The following SNX1 variants were observed in gnomAD, a reference collection of about 807,000 sequenced individuals.
SNX1 encodes sorting nexin-1.
SNX1 carries 36 observed loss-of-function variants against 71.8 expected under a neutral mutation model. The observed-to-expected ratio is 0.50, with a 90% CI of 0.38 to 0.66. The LOEUF (loss-of-function observed/expected upper bound fraction) is 0.66, where lower values mean the gene tolerates loss of function less well. SNX1 is among the 30% of genes least tolerant of loss of function. The probability of loss-of-function intolerance (pLI) is 0.00; values close to 1 mark genes in which losing one functional copy is unlikely to be tolerated. For synonymous variants in SNX1, 254 were observed against 240.7 expected, an observed-to-expected ratio of 1.06 and a Z score of -0.51; for missense variants, 612 against 646.7, an observed-to-expected ratio of 0.95 and a Z score of 0.58.
At position 64,136,854 on chromosome 15, in the gene SNX1, C is replaced by T. The variant is rs1486863893; in HGVS notation, c.1447-7C>T. 6.2e-7 allele frequency: 1 copy of T among 1,611,188 alleles called. No homozygotes were observed. The highest frequency in any genetic ancestry group is 1.7e-5 in the Admixed American group (1 of 59,924). ...CTGGATGGTCAGTGTAGAATCTTGT[C>T]TCCTAGAAAGAGAAATCCAAGGACT... On this transcript the variant is annotated splice_polypyrimidine_tract_variant and splice_region_variant and intron_variant, in intron 13 of 14. Transcript: ENST00000559844.
At chr15:64,135,023 A>G (rs1596008000) in intron 12 of SNX1, 3 of 566,494 alleles carry the variant, frequency 5.3e-6, no homozygotes, top group African/African-American at 3.8e-5. Context: ...TTGTCAAATC[A>G]GAATCTCTGG....
At chr15:64,137,267 T>G (rs1057151082) in intron 14 of SNX1, among the ~76,000 whole-genome samples, 1 of 152,220 alleles carries the variant, frequency 6.6e-6, no homozygotes, top group Non-Finnish European at 1.5e-5. Context: ...TGTGAAACAG[T>G]GGCCCCACTG....
Position 64,137,675 on chromosome 15 carries a change from C to T in SNX1, c.*57C>T. ...ACGCTGCCTTTTTATACACTGTCCTCCTCCACCTTGATGGACCCCTAGTGA... is the reference window on the plus strand; with the variant it reads ...ACGCTGCCTTTTTATACACTGTCCTTCTCCACCTTGATGGACCCCTAGTGA... On this transcript the variant is annotated 3_prime_UTR_variant, in exon 15 of 15. Transcript: ENST00000559844. The T allele has an allele frequency of 6.2e-7, 1 of 1,612,256 alleles. No individual in the cohort carries two copies. Among genetic ancestry groups the T allele is most frequent in the South Asian group, 1.1e-5 (1 of 90,764 alleles).
intron 10 of SNX1, among the ~76,000 whole-genome samples, chr15:64,130,882 C>A (rs879312884): frequency 2.0e-5 from 3 of 152,238 alleles, no homozygotes; most frequent in Non-Finnish European, 4.4e-5. Flanking sequence ...AAATCTGACC[C>A]TGGTTCCTAT....
Position 64,143,547 on chromosome 15 carries a change from C to G in SNX1, c.*5929C>G, listed in dbSNP as rs2140170063. The G allele has an allele frequency of 6.6e-6, 1 of 152,352 alleles. No individual in the cohort carries two copies. The highest frequency in any genetic ancestry group is 1.9e-4 in the East Asian group (1 of 5,192). 9.4% of individuals were successfully genotyped at this position (152,352 alleles called of 1,614,324 possible). On this transcript the variant is annotated 3_prime_UTR_variant, in exon 15 of 15. Transcript: ENST00000559844. ...ACCCAGCTCACCTTTCCCTCTTTAT[C>G]TCCCAGTCCTTCCCAACAGCGCCGA...
chr15:64,121,271 TCA>T (rs2081193875), intron 4 of SNX1, among the ~76,000 whole-genome samples: 1 of 152,178 alleles, frequency 6.6e-6, no homozygotes, highest in African/African-American at 2.4e-5. Context: ...CAGAAATTTC[TCA>T]CAGTTTTGGA....
intron 3 of SNX1, 71 bp from the exon 4 acceptor site, chr15:64,118,717 G>GTTAT: frequency 8.7e-7 from 1 of 1,151,222 alleles, no homozygotes; most frequent in South Asian, 1.3e-5. Context: ...TTGGTATAAG[G>GTTAT]TTATTACAGG....
rs769884308 is a variant in SNX1 at position 64,127,167 on chromosome 15, A to G, written c.653-7A>G. The stretch of plus-strand genomic sequence containing the variant: ...ATGGTTATTTTGCTTTTTAAATTCC[A>G]TTCTAGGGATGACAAAAGTGAAAGT... On this transcript the variant is annotated splice_polypyrimidine_tract_variant and splice_region_variant and intron_variant, in intron 6 of 14. Transcript: ENST00000559844. 1.0e-5 allele frequency: 16 copies of G among 1,605,892 alleles called. No individual in the cohort carries two copies. Among genetic ancestry groups the G allele is most frequent in the Non-Finnish European group, 1.3e-5 (15 of 1,174,270 alleles).
chr15:64,114,467 A>G (rs575438657), intron 2 of SNX1, among the ~76,000 whole-genome samples: 1 of 152,358 alleles, frequency 6.6e-6, no homozygotes, highest in African/African-American at 2.4e-5. Flanking sequence ...TGGCTTTGGG[A>G]AAAAAGTAAG....
chr15:64,140,979 G>GATAC lies in SNX1; in HGVS notation c.*3362_*3363insTACA, dbSNP rs10678400. ...CTAGGCTCTCACCATACAGTGCAAA[G>GATAC]AGATGATAGATAGATAGATAGATAG... On this transcript the variant is annotated 3_prime_UTR_variant, in exon 15 of 15. Coordinates refer to ENST00000559844, the MANE Select transcript of SNX1 (RefSeq NM_003099.5). 1.5e-5 allele frequency: 2 copies of GATAC among 131,184 alleles called. No individual in the cohort carries two copies. The highest frequency in any genetic ancestry group is 3.1e-4 in the South Asian group (1 of 3,224). The allele number at this position is 131,184 out of a possible 1,614,324, so 8.1% of individuals were successfully genotyped here. A position where few individuals can be genotyped will look rare whatever the true frequency, so the allele number is the denominator to read the frequency against.
At position 64,127,740 on chromosome 15, in the gene SNX1, G is replaced by C. The variant is rs750049013; in HGVS notation, c.741G>C (p.Gln247His). ...ACTGCTTACCTTTTAGGTACCTTCAGAGGATTGTAAATCATCCTACCATGT... is the reference window on the plus strand; with the variant it reads ...ACTGCTTACCTTTTAGGTACCTTCACAGGATTGTAAATCATCCTACCATGT... ...KRRAALERYL[Q>H]RIVNHPTMLQ... is the part of the protein sequence containing the mutation. The change falls in exon 8 of 15, where the codon CAG becomes CAC. Residue 247 changes from glutamine (Q) to histidine (H), a missense_variant. By Grantham distance (24) the Gln-to-His change is conservative. Coordinates refer to ENST00000559844, the MANE Select transcript of SNX1 (RefSeq NM_003099.5). 5 of 1,613,596 alleles carry C rather than the reference G, an allele frequency of 3.1e-6. No homozygotes were observed. The Admixed American group carries it at 5.0e-5, about 16-fold the overall frequency.
Position 64,140,679 on chromosome 15 carries a change from G to A in SNX1, c.*3061G>A, listed in dbSNP as rs1230342505. On this transcript the variant is annotated 3_prime_UTR_variant, in exon 15 of 15. Transcript: ENST00000559844. ...GCTCACTGCAACCTCCACCTACCAGGTTCAAGCAATTCTCCTGCCTCAGCC... is the reference window on the plus strand; with the variant it reads ...GCTCACTGCAACCTCCACCTACCAGATTCAAGCAATTCTCCTGCCTCAGCC... 1 of 152,150 alleles carries A rather than the reference G, an allele frequency of 6.6e-6. No individual in the cohort carries two copies. Among genetic ancestry groups the A allele is most frequent in the Non-Finnish European group, 1.5e-5 (1 of 68,048 alleles). The allele number at this position is 152,150 out of a possible 1,614,324, so 9.4% of individuals were successfully genotyped here.
chr15:64,102,751 A>C (rs999634425), intron 1 of SNX1, among the ~76,000 whole-genome samples: 5 of 137,982 alleles, frequency 3.6e-5, no homozygotes, highest in African/African-American at 1.3e-4. Context: ...TTGTATATAT[A>C]CCACGCCTTC....
intron 12 of SNX1, among the ~76,000 whole-genome samples, chr15:64,135,752 T>C (rs1324704094): frequency 2.2e-5 from 2 of 92,210 alleles, no homozygotes; most frequent in African/African-American, 8.0e-5. Flanking sequence ...AGCAAGACTC[T>C]GTCTCAAAAA....
rs889188688 is a variant in SNX1 at position 64,139,206 on chromosome 15, T to G, written c.*1588T>G. On this transcript the variant is annotated 3_prime_UTR_variant, in exon 15 of 15. Coordinates refer to ENST00000559844, the MANE Select transcript of SNX1 (RefSeq NM_003099.5). The stretch of plus-strand genomic sequence containing the variant: ...TGTATCCTGCTTTTATCATTCAACA[T>G]TGTACATGTTATAAGCATTTTACTA... The G allele has an allele frequency of 6.6e-6, 1 of 151,798 alleles. No individual in the cohort carries two copies. Among genetic ancestry groups the G allele is most frequent in the African/African-American group, 2.4e-5 (1 of 41,244 alleles). The allele number at this position is 151,798 out of a possible 1,614,324, so 9.4% of individuals were successfully genotyped here. A position where few individuals can be genotyped will look rare whatever the true frequency, so the allele number is the denominator to read the frequency against.
chr15:64,143,512 CTG>C lies in SNX1; in HGVS notation c.*5897_*5898del, dbSNP rs2081435249. 6.6e-6 allele frequency: 1 copy of C among 152,242 alleles called. No individual in the cohort carries two copies. Among genetic ancestry groups the C allele is most frequent in the African/African-American group, 2.4e-5 (1 of 41,456 alleles). 9.4% of individuals were successfully genotyped at this position (152,242 alleles called of 1,614,324 possible). A position where few individuals can be genotyped will look rare whatever the true frequency, so the allele number is the denominator to read the frequency against. ...CTCTGCCACCTGGCGTTCATACTGT[CTG>C]TGAAAGGACCCAGCTCACCTTTCCC... On this transcript the variant is annotated 3_prime_UTR_variant, in exon 15 of 15. Transcript: ENST00000559844.
At chr15:64,117,814 C>T (rs1304009284) in intron 2 of SNX1, among the ~76,000 whole-genome samples, 3 of 152,044 alleles carry the variant, frequency 2.0e-5, no homozygotes, top group Non-Finnish European at 4.4e-5. Context: ...AATTGATAAA[C>T]TTATTTTGGC....
At chr15:64,116,423 C>T (rs563918444) in intron 2 of SNX1, among the ~76,000 whole-genome samples, 2 of 152,168 alleles carry the variant, frequency 1.3e-5, no homozygotes, top group Non-Finnish European at 2.9e-5. Context: ...TATACTCCCA[C>T]CCCAGAGTCA....
rs958415541 is a variant in SNX1 at position 64,137,997 on chromosome 15, T to C, written c.*379T>C. On this transcript the variant is annotated 3_prime_UTR_variant, in exon 15 of 15. Transcript: ENST00000559844. ...GAAAAGGTTATGTAATAAAATATTT[T>C]AAAATCAGGTCACATGACTCAGAAT... 9 of 1,476,554 alleles carry C rather than the reference T, an allele frequency of 6.1e-6. No individual in the cohort carries two copies. The African/African-American group carries it at 1.3e-4, about 21-fold the overall frequency. The allele number at this position is 1,476,554 out of a possible 1,614,324, so 91.5% of individuals were successfully genotyped here. A position where few individuals can be genotyped will look rare whatever the true frequency, so the allele number is the denominator to read the frequency against.
Sources: gnomAD v4.1 joint callset for allele counts (sites outside exome capture counted in the v4.1 genomes callset) on GRCh38, gnomAD v4.1.1 for gene constraint, MANE v1.5 for transcripts, NCBI Gene and HGNC (gene_info 2026-07-23, HGNC 2026-07-21) for gene names.